WDR27: variants seen among roughly 807,000 people sequenced by gnomAD.
WDR27 encodes the protein WD repeat-containing protein 27.
A neutral mutation model predicts 114.4 loss-of-function variants in WDR27; 100 were observed. The observed-to-expected ratio is 0.87, with a 90% CI of 0.74 to 1.03. WDR27 has a LOEUF of 1.03. Ranked by LOEUF, WDR27 falls within the 50% of genes least tolerant of loss-of-function variation. The pLI is 0.00. For missense variants in WDR27, 1,129 were observed against 1,092.9 expected, an observed-to-expected ratio of 1.03 and a Z score of -0.47; for synonymous variants, 449 against 423.1, an observed-to-expected ratio of 1.06 and a Z score of -0.75.
At chr6:169,671,515 T>C (rs1200151559) in intron 3 of WDR27, 1 of 152,258 alleles carries the variant, frequency 6.6e-6, no homozygotes, top group African/African-American at 2.4e-5. Flanking sequence ...CTAACTTCTC[T>C]ATATAATTGC....
chr6:169,462,433 TCA>T (rs886907565), intron 25 of WDR27, among the ~76,000 whole-genome samples: 2 of 147,758 alleles, frequency 1.4e-5, no homozygotes, highest in Non-Finnish European at 3.0e-5. Context: ...AGAGACTGTC[TCA>T]AGGAAGGAAG....
intron 25 of WDR27, among the ~76,000 whole-genome samples, chr6:169,549,667 C>T (rs909149509): frequency 6.6e-6 from 1 of 152,130 alleles, no homozygotes; most frequent in African/African-American, 2.4e-5. Context: ...GTGGTGCATC[C>T]AGATGACAGA....
At chr6:169,574,639 A>G (rs1198827262) in intron 24 of WDR27, among the ~76,000 whole-genome samples, 2 of 152,192 alleles carry the variant, frequency 1.3e-5, no homozygotes, top group East Asian at 1.9e-4. Context: ...AAGTGCGTTC[A>G]TGAGCCTGAA....
At chr6:169,475,325 C>A (rs1432809500) in intron 25 of WDR27, among the ~76,000 whole-genome samples, 1 of 152,194 alleles carries the variant, frequency 6.6e-6, no homozygotes, top group South Asian at 2.1e-4. Flanking sequence ...TGGATTCAAG[C>A]AATTCTCCTG....
chr6:169,617,307 T>G (rs1026416926), intron 21 of WDR27, among the ~76,000 whole-genome samples: 1 of 152,312 alleles, frequency 6.6e-6, no homozygotes, highest in African/African-American at 2.4e-5. Flanking sequence ...GCCTGATGTA[T>G]GTAGAGCCCA....
intron 25 of WDR27, among the ~76,000 whole-genome samples, chr6:169,551,910 G>T (rs886999233): frequency 3.3e-5 from 5 of 152,064 alleles, no homozygotes; most frequent in African/African-American, 4.8e-5. Flanking sequence ...GAATGCCTGC[G>T]TACTGATAAA....
chr6:169,540,384 T>A (rs529550574), intron 25 of WDR27, among the ~76,000 whole-genome samples: 39 of 152,304 alleles, frequency 2.6e-4, no homozygotes, highest in Admixed American at 2.2e-3. Context: ...TTCTGTCATA[T>A]CTGGAAGATT....
Position 169,598,913 on chromosome 6 carries a change from G to A in WDR27, c.2424+3306C>T, listed in dbSNP as rs184296586. Among the ~76,000 whole-genome samples, 25 of 152,282 alleles carry A rather than the reference G, an allele frequency of 1.6e-4. No homozygotes were observed. In the East Asian group the frequency reaches 4.4e-3, roughly 27 times the overall value. On this transcript the variant is annotated intron_variant, in intron 23 of 25. Coordinates refer to ENST00000448612, the MANE Select transcript of WDR27 (RefSeq NM_182552.5). The stretch of plus-strand genomic sequence containing the variant: ...AGCGCTCATTTAACTTTACATAAAC[G>A]TGCTATTTGAGGCTGAAGCAAATTT...
At position 169,625,574 on chromosome 6, in the gene WDR27, G is replaced by A. The variant is rs572125392; in HGVS notation, c.2223+7373C>T. 3.3e-5 allele frequency among the ~76,000 whole-genome samples: 5 copies of A among 152,348 alleles called. No homozygotes were observed. In the East Asian group the frequency reaches 7.7e-4, roughly 24 times the overall value. ...GGCTGAAGTGCCGGGGACCAGGCCC[G>A]ACGGGGTCAGTCCTGTGTCTCAGAG... is the stretch of plus-strand genomic sequence containing the variant. On this transcript the variant is annotated intron_variant, in intron 21 of 25. Transcript: ENST00000448612.
chr6:169,635,093 T>A (rs915967171), intron 19 of WDR27, among the ~76,000 whole-genome samples: 1 of 152,016 alleles, frequency 6.6e-6, no homozygotes, highest in African/African-American at 2.4e-5. Context: ...TTAGGCCAGG[T>A]GTGGTGGCTC....
intron 22 of WDR27, among the ~76,000 whole-genome samples, chr6:169,607,493 G>T (rs1398792913): frequency 1.3e-5 from 2 of 152,030 alleles, no homozygotes; most frequent in Non-Finnish European, 2.9e-5. Context: ...GATGGAAGTA[G>T]AGGGCATTAT....
chr6:169,437,540 A>G, the WDR27 span, among the ~76,000 whole-genome samples: 1 of 152,128 alleles, frequency 6.6e-6, no homozygotes, highest in Admixed American at 6.6e-5. Flanking sequence ...CTCAAGGTAG[A>G]ATTTTCCTTT....
chr6:169,489,041 A>G (rs556651732), intron 25 of WDR27, among the ~76,000 whole-genome samples: 1 of 150,178 alleles, frequency 6.7e-6, no homozygotes, highest in African/African-American at 2.4e-5. Context: ...AGGCCACATG[A>G]TTTCAGAGAT....
At chr6:169,502,496 GAATGGGCCGCACTGGGCT>G (rs2115489891) in intron 25 of WDR27, among the ~76,000 whole-genome samples, 1 of 152,312 alleles carries the variant, frequency 6.6e-6, no homozygotes. Flanking sequence ...CGTAAGTCCC[GAATGGGCCGCACTGGGCT>G]AAGATCAAGT....
intron 25 of WDR27, among the ~76,000 whole-genome samples, chr6:169,534,540 T>A (rs1219688410): frequency 6.6e-6 from 1 of 152,108 alleles, no homozygotes; most frequent in African/African-American, 2.4e-5. Flanking sequence ...AAGTTTTTTT[T>A]ATTATTATTA....
At chr6:169,699,685 G>A (rs546423405) in intron 1 of WDR27, among the ~76,000 whole-genome samples, 1 of 152,236 alleles carries the variant, frequency 6.6e-6, no homozygotes, top group South Asian at 2.1e-4. Context: ...GTAGAATCAA[G>A]GGCCTCAGCA....
intron 2 of WDR27, among the ~76,000 whole-genome samples, chr6:169,687,861 T>C (rs957986698): frequency 6.6e-6 from 1 of 152,174 alleles, no homozygotes; most frequent in African/African-American, 2.4e-5. Context: ...CATGTATAAG[T>C]GAACCAGCAC....
the WDR27 span, among the ~76,000 whole-genome samples, chr6:169,439,849 T>G: frequency 6.8e-6 from 1 of 147,340 alleles, no homozygotes; most frequent in Non-Finnish European, 1.5e-5. Flanking sequence ...ATTATAATCG[T>G]TAATTATATT....
At chr6:169,550,774 G>C (rs2128102654) in intron 25 of WDR27, among the ~76,000 whole-genome samples, 1 of 152,202 alleles carries the variant, frequency 6.6e-6, no homozygotes, top group Non-Finnish European at 1.5e-5. Flanking sequence ...GGAGTGCAGT[G>C]ACTCAATCAC....
Sources: gnomAD v4.1 joint callset for allele counts (sites outside exome capture counted in the v4.1 genomes callset) on GRCh38, gnomAD v4.1.1 for gene constraint, MANE v1.5 for transcripts, NCBI Gene and HGNC (gene_info 2026-07-23, HGNC 2026-07-21) for gene names.